Variants in BCAR1 observed in about 807,000 individuals in gnomAD.
BCAR1 encodes breast cancer anti-estrogen resistance protein 1.
Under a neutral mutation model 67.6 loss-of-function variants are expected in BCAR1, and 30 were observed. That is an observed-to-expected ratio of 0.44 (90% CI 0.33 to 0.60). BCAR1 has a LOEUF of 0.60. Among genes scored for constraint, BCAR1 ranks in the 20% least tolerant of loss-of-function variants. The pLI, the probability that BCAR1 is intolerant of heterozygous loss-of-function variation, is 0.02. For synonymous variants in BCAR1, 626 were observed against 556.7 expected (o/e 1.12, Z -1.75); for missense variants, 1,313 against 1,222.3 (o/e 1.07, Z -1.11).
chr16:75,229,853 T>A lies in BCAR1; in HGVS notation c.2271A>T (p.Thr757=). ...AGAAGGCGTCCACGGCGTTGGTCAGTGTGGTCAGGTTGGCCTCACACTGCT... is the reference window on the plus strand; with the variant it reads ...AGAAGGCGTCCACGGCGTTGGTCAGAGTGGTCAGGTTGGCCTCACACTGCT... ...YLEQCEANLT[T]LTNAVDAFFT... The change falls in exon 7 of 7, where the codon ACA becomes ACT. Residue 757 remains threonine, a synonymous_variant. Transcript: ENST00000162330. 1 of 1,613,328 alleles carries A rather than the reference T, an allele frequency of 6.2e-7. No homozygotes were observed. The highest frequency in any genetic ancestry group is 1.1e-5 in the South Asian group (1 of 91,092).
rs1173680649 is a variant in BCAR1, at chr16:75,242,959, C to G, written c.144G>C (p.Leu48=). The change falls in exon 2 of 7, where the codon CTG becomes CTC. Residue 48 remains leucine (L), a synonymous_variant. Coordinates refer to ENST00000162330, the MANE Select transcript of BCAR1 (RefSeq NM_014567.5). ...QGLDGWWLCS[L]HGRQGIVPGN... The stretch of plus-strand genomic sequence containing the variant: ...CAGGCACGATGCCCTGGCGCCCATG[C>G]AGCGAGCAGAGCCACCAGCCGTCCA... 1.2e-6 allele frequency: 2 copies of G among 1,613,294 alleles called. No homozygotes were observed. Among genetic ancestry groups the G allele is most frequent in the African/African-American group, 2.7e-5 (2 of 75,036 alleles).
chr16:75,235,901 A>G lies in BCAR1; in HGVS notation c.998T>C (p.Phe333Ser). 6.4e-7 allele frequency: 1 copy of G among 1,564,140 alleles called. No homozygotes were observed. Residue 333 changes from phenylalanine (F) to serine (S), a missense_variant, in exon 5 of 7, where the codon TTC becomes TCC. Phe to Ser is a radical substitution (Grantham distance 155, BLOSUM62 -2). Around this residue, in one of 2 missense-constraint regions of BCAR1, gnomAD observed 1,272 missense variants for 1,137.5 expected, o/e 1.12. Coordinates refer to ENST00000162330, the MANE Select transcript of BCAR1 (RefSeq NM_014567.5). ...CGGGTCAAAGGGCTTGGCCTTGGCGAAGGCGGGGGGCACATCGTAGGTCTC... is the reference window on the plus strand; with the variant it reads ...CGGGTCAAAGGGCTTGGCCTTGGCGGAGGCGGGGGGCACATCGTAGGTCTC... ...REETYDVPPA[F>S]AKAKPFDPAR... is the part of the protein sequence containing the mutation.
At position 75,235,503 on chromosome 16, in the gene BCAR1, G is replaced by T; in HGVS notation, c.1396C>A (p.Leu466Met). Residue 466 changes from leucine to methionine, a missense_variant, in exon 5 of 7, where the codon CTG (leucine) becomes ATG (methionine). This residue lies in a region of BCAR1 where 1,272 missense variants were observed against 1,137.5 expected (regional missense o/e 1.12). Transcript: ENST00000162330. ...ACGGTGGCGCTCACACCCTGCTGCA[G>T]CCGTGCCAGGGCCTCCACAGCAACT... Reference protein sequence around the residue: ...LEVAVEALARLQQGVSATVAH... With the variant: ...LEVAVEALARMQQGVSATVAH... 1 of 1,597,864 alleles carries T rather than the reference G, an allele frequency of 6.3e-7. No homozygotes were observed. The highest frequency in any genetic ancestry group is 8.5e-7 in the Non-Finnish European group (1 of 1,173,256).
chr16:75,233,778 A>G (rs4888361), intron 6 of BCAR1, 68 bp downstream of exon 6: 1,212,579 of 1,493,138 alleles, frequency 0.81, 494,875 homozygotes, highest in East Asian at 1. Flanking sequence ...TCGGCCCTGC[A>G]GGGCAAGAGC....
At chr16:75,253,535 G>A (rs2077718572), upstream of BCAR1, among the ~76,000 whole-genome samples, 1 of 152,204 alleles carries the variant, frequency 6.6e-6, no homozygotes, top group African/African-American at 2.4e-5. Flanking sequence ...TCCCCCAGTA[G>A]CTGCATTAGA....
upstream of BCAR1, among the ~76,000 whole-genome samples, chr16:75,252,973 T>TC (rs2077709729): frequency 6.6e-6 from 1 of 152,132 alleles, no homozygotes; most frequent in African/African-American, 2.4e-5. Flanking sequence ...CTGCATTTCT[T>TC]CAATATTTGG....
At chr16:75,265,993 A>C (rs1597297289) in intron 1 of BCAR1, 3 of 1,043,184 alleles carry the variant, frequency 2.9e-6, no homozygotes, top group Non-Finnish European at 3.5e-6. Context: ...CGGCCGCTCC[A>C]GCCGCGCCGC....
intron 1 of BCAR1, chr16:75,263,499 G>A (rs1358038163): frequency 1.6e-5 from 16 of 985,284 alleles, no homozygotes; most frequent in African/African-American, 5.2e-5. Context: ...TAGCAGGGAC[G>A]CCCTGGCTCC....
upstream of BCAR1, among the ~76,000 whole-genome samples, chr16:75,252,779 C>A (rs1347944433): frequency 6.6e-6 from 1 of 152,216 alleles, no homozygotes; most frequent in East Asian, 1.9e-4. Flanking sequence ...TCTGTCTGAC[C>A]CCCAGGGCTC....
intron 5 of BCAR1, among the ~76,000 whole-genome samples, chr16:75,234,157 G>GCAGA (rs10533725): frequency 1.2e-4 from 13 of 111,768 alleles, no homozygotes; most frequent in African/African-American, 4.0e-4. Flanking sequence ...GCAGGGGCAG[G>GCAGA]CAGACAGACA....
In BCAR1 at chr16:75,229,931, C is replaced by T. The variant is rs1258146915; in HGVS notation, c.2193G>A (p.Gly731=). The part of the protein sequence containing the change: ...NWTPAQPLAP[G]RTGGLGPSDR... ...CCGAGGGCCCCAGGCCGCCTGTTCG[C>T]CCCGGGGCCAGGGGTTGGGCTGGCG... Residue 731 remains glycine, a synonymous_variant, in exon 7 of 7, where the codon GGG becomes GGA. Transcript: ENST00000162330. The T allele has an allele frequency of 1.9e-6, 3 of 1,605,528 alleles. No individual in the cohort carries two copies. The highest frequency in any genetic ancestry group is 2.2e-5 in the South Asian group (2 of 90,788).
intron 1 of BCAR1, among the ~76,000 whole-genome samples, chr16:75,244,570 T>A (rs1228109206): frequency 6.6e-6 from 1 of 152,196 alleles, no homozygotes; most frequent in Non-Finnish European, 1.5e-5. Flanking sequence ...GGTCCCAGGA[T>A]CAGACATTCA....
At chr16:75,265,368 C>T (rs1239289574) in intron 1 of BCAR1, among the ~76,000 whole-genome samples, 1 of 152,064 alleles carries the variant, frequency 6.6e-6, no homozygotes, top group Non-Finnish European at 1.5e-5. Flanking sequence ...CGAGGGAGGT[C>T]TTGCGGGACA....
intron 1 of BCAR1, chr16:75,264,294 G>A (rs1055500132): frequency 2.5e-5 from 35 of 1,409,814 alleles, no homozygotes; most frequent in African/African-American, 4.3e-5. Flanking sequence ...ATAGAGGCCC[G>A]CCCAGGCTGG....
At chr16:75,263,209 G>A in intron 1 of BCAR1, 1 of 985,116 alleles carries the variant, frequency 1.0e-6, no homozygotes, top group Non-Finnish European at 1.2e-6. Context: ...AGAACAGACA[G>A]CAGGGAGGCC....
rs2076808163 is a variant in BCAR1 at position 75,229,244 on chromosome 16, C to T, written c.*267G>A. On this transcript the variant is annotated 3_prime_UTR_variant, in exon 7 of 7. Transcript: ENST00000162330. ...TGCAGGCTGCAGGACCCTCACACTC[C>T]AGCCCCGTCTGGTGACCCAACCCGG... 12 of 473,348 alleles carry T rather than the reference C, an allele frequency of 2.5e-5. No homozygotes were observed. The highest frequency in any genetic ancestry group is 1.1e-3 in the Middle Eastern group (2 of 1,776). 29.3% of individuals were successfully genotyped at this position (473,348 alleles called of 1,614,324 possible). A position where few individuals can be genotyped will look rare whatever the true frequency, so the allele number is the denominator to read the frequency against.
At chr16:75,260,651 C>A (rs939352767) in intron 1 of BCAR1, among the ~76,000 whole-genome samples, 2 of 149,258 alleles carry the variant, frequency 1.3e-5, no homozygotes, top group Admixed American at 6.7e-5. Flanking sequence ...AAAAAAAAAA[C>A]CTCATCCAAC....
chr16:75,264,303 G>A (rs772990098), intron 1 of BCAR1: 309 of 1,425,624 alleles, frequency 2.2e-4, no homozygotes, highest in Non-Finnish European at 2.7e-4. Context: ...CGCCCAGGCT[G>A]GGATGTGGCC....
intron 4 of BCAR1, 123 bp from the exon 5 acceptor site, chr16:75,236,109 C>A: frequency 1.6e-6 from 2 of 1,251,242 alleles, no homozygotes; most frequent in Non-Finnish European, 2.2e-6. Flanking sequence ...CACAGAGGCA[C>A]GCGCACACAC....
Sources: allele counts gnomAD v4.1 joint callset (sites outside exome capture counted in the v4.1 genomes callset), GRCh38; gene constraint gnomAD v4.1.1; regional missense constraint gnomAD v4.1.1; transcripts MANE v1.5; gene names NCBI Gene and HGNC (gene_info 2026-07-23, HGNC 2026-07-21).